USP34: variants seen among roughly 807,000 people sequenced by gnomAD.
USP34 encodes ubiquitin specific peptidase 34.
USP34 carries 70 observed loss-of-function variants against 460.3 expected under a neutral mutation model. The ratio of observed to expected loss-of-function variants is 0.15; its 90% CI spans 0.13 to 0.19. The LOEUF (loss-of-function observed/expected upper bound fraction) is 0.19. Ranked by LOEUF, USP34 falls within the 10% of genes least tolerant of loss-of-function variation. The pLI, the probability that USP34 is intolerant of heterozygous loss-of-function variation, is 1.00. For synonymous variants in USP34, 1,647 were observed against 1,405.3 expected, an observed-to-expected ratio of 1.17 and a Z score of -3.85; for missense variants, 3,985 against 4,236.2, an observed-to-expected ratio of 0.94 and a Z score of 1.65.
intron 48 of USP34, among the ~76,000 whole-genome samples, chr2:61,254,019 G>C (rs997286890): frequency 6.6e-6 from 1 of 152,214 alleles, no homozygotes; most frequent in African/African-American, 2.4e-5. Flanking sequence ...ACAGGCATGT[G>C]CCACCGTGCC....
At chr2:61,339,285 CAAG>C in intron 18 of USP34, 63 bp downstream of exon 18, 2 of 1,505,288 alleles carry the variant, frequency 1.3e-6, no homozygotes, top group Non-Finnish European at 1.8e-6. Flanking sequence ...ACCTAGTCAA[CAAG>C]AATGTCCCCC....
Position 61,229,513 on chromosome 2 carries a change from C to G in USP34, c.7199+35G>C, listed in dbSNP as rs1041677927. ...ACAAAAACACCACACACACACAACA[C>G]AGACACACAAACTTATTCAAAAAGT... is the stretch of plus-strand genomic sequence containing the variant. On this transcript the variant is annotated intron_variant, in intron 59 of 79. Transcript: ENST00000398571. 5 of 1,235,460 alleles carry G rather than the reference C, an allele frequency of 4.0e-6. 1 individual carries two copies. The Admixed American group carries it at 7.9e-5, about 20-fold the overall frequency. 76.5% of individuals were successfully genotyped at this position (1,235,460 alleles called of 1,614,324 possible).
intron 3 of USP34, among the ~76,000 whole-genome samples, chr2:61,400,630 G>A (rs1473662301): frequency 6.6e-6 from 1 of 152,074 alleles, no homozygotes; most frequent in African/African-American, 2.4e-5. Flanking sequence ...CAGGAAGATT[G>A]CCCAAAGCCA....
At chr2:61,204,142 C>A (rs953098314) in intron 74 of USP34, 114 bp downstream of exon 74, 2 of 1,389,106 alleles carry the variant, frequency 1.4e-6, no homozygotes, top group African/African-American at 2.9e-5. Flanking sequence ...ATCTAATCTT[C>A]TTAGGATCCA....
chr2:61,247,883 AAAG>A (rs1429092502), intron 49 of USP34, among the ~76,000 whole-genome samples: 3 of 152,084 alleles, frequency 2.0e-5, no homozygotes, highest in East Asian at 1.9e-4. Flanking sequence ...CACCCTTCCT[AAAG>A]AAGGATAAAC....
chr2:61,193,026 A>AAC, intron 75 of USP34, 46 bp from the exon 76 acceptor site: 5 of 1,458,628 alleles, frequency 3.4e-6, no homozygotes, highest in Non-Finnish European at 4.8e-6. Context: ...TATAAATTAT[A>AAC]CTAGTGAGAT....
chr2:61,378,574 C>A, intron 7 of USP34, 150 bp from the exon 8 acceptor site: 1 of 509,070 alleles, frequency 2.0e-6, no homozygotes, highest in Non-Finnish European at 3.5e-6. Context: ...CAGAGACACA[C>A]GCTTCCCAAT....
At chr2:61,299,230 C>T (rs560639572) in intron 29 of USP34, among the ~76,000 whole-genome samples, 1 of 152,246 alleles carries the variant, frequency 6.6e-6, no homozygotes, top group South Asian at 2.1e-4. Context: ...GGGAAGAAGT[C>T]ACTTAACAAT....
At chr2:61,441,192 T>C (rs1023512303) in intron 1 of USP34, among the ~76,000 whole-genome samples, 18 of 146,952 alleles carry the variant, frequency 1.2e-4, no homozygotes, top group Non-Finnish European at 2.5e-4. Flanking sequence ...CAGGCTAGAG[T>C]GTACTTGCGA....
chr2:61,249,310 T>C (rs1688508910), intron 48 of USP34, among the ~76,000 whole-genome samples: 1 of 152,182 alleles, frequency 6.6e-6, no homozygotes, highest in South Asian at 2.1e-4. Context: ...ACTGCGAAGG[T>C]AACCAAAAGG....
At chr2:61,434,027 C>A (rs1476183640) in intron 1 of USP34, among the ~76,000 whole-genome samples, 1 of 152,196 alleles carries the variant, frequency 6.6e-6, no homozygotes, top group African/African-American at 2.4e-5. Context: ...CCATCCAGGA[C>A]AAACCTGCCC....
At chr2:61,413,200 C>G (rs1694094322) in intron 2 of USP34, among the ~76,000 whole-genome samples, 1 of 151,774 alleles carries the variant, frequency 6.6e-6, no homozygotes, top group African/African-American at 2.4e-5. Context: ...TTGAGACCAT[C>G]CTGGCCAACA....
intron 5 of USP34, among the ~76,000 whole-genome samples, chr2:61,387,729 A>G (rs913052008): frequency 1.3e-5 from 2 of 148,584 alleles, no homozygotes; most frequent in Non-Finnish European, 3.0e-5. Context: ...ACGTATACAC[A>G]CATGTAAAAA....
intron 10 of USP34, among the ~76,000 whole-genome samples, chr2:61,364,903 C>A (rs1012636172): frequency 2.6e-5 from 4 of 151,952 alleles, no homozygotes; most frequent in African/African-American, 9.7e-5. Context: ...GTACTCCAGC[C>A]TGGGCAACAG....
chr2:61,373,222 T>TAC (rs1307207272), intron 8 of USP34, among the ~76,000 whole-genome samples: 2 of 151,906 alleles, frequency 1.3e-5, no homozygotes, highest in Non-Finnish European at 2.9e-5. Flanking sequence ...TATATATATA[T>TAC]ACTATAAAAA....
rs762251784 is a variant in USP34, at chr2:61,350,627, G to A, written c.1318C>T (p.Pro440Ser). Residue 440 changes from proline (P) to serine (S), a missense_variant, in exon 11 of 80, where the codon CCA becomes TCA. Physicochemically the swap from Pro to Ser is moderately conservative, Grantham distance 74. Coordinates refer to ENST00000398571, the MANE Select transcript of USP34 (RefSeq NM_014709.4). ...PSLIKNLDPVPLRHLLNLVSA... is the reference protein window; with the variant it reads ...PSLIKNLDPVSLRHLLNLVSA... ...ACCAGATTAAGTAGATGTCTAAGTG[G>A]TACGGGATCCAAATTCTTGATGAGT... 5 of 1,613,714 alleles carry A rather than the reference G, an allele frequency of 3.1e-6. No individual in the cohort carries two copies. Among genetic ancestry groups the A allele is most frequent in the South Asian group, 1.1e-5 (1 of 91,058 alleles).
In USP34 at chr2:61,257,017, A is replaced by G. The variant is rs781181322; in HGVS notation, c.6048+35T>C. On this transcript the variant is annotated intron_variant, in intron 46 of 79. Coordinates refer to ENST00000398571, the MANE Select transcript of USP34 (RefSeq NM_014709.4). ...ATAATATAAATGAAAATATATTAAG[A>G]TCTCCAAAAAGTAAAAACCAGGTAT... 7 of 1,452,230 alleles carry G rather than the reference A, an allele frequency of 4.8e-6. No individual in the cohort carries two copies. In the East Asian group the frequency reaches 1.5e-4, roughly 30 times the overall value. The allele number at this position is 1,452,230 out of a possible 1,614,324, so 90.0% of individuals were successfully genotyped here. A position where few individuals can be genotyped will look rare whatever the true frequency, so the allele number is the denominator to read the frequency against.
intron 67 of USP34, among the ~76,000 whole-genome samples, chr2:61,215,297 C>A (rs1182025765): frequency 6.6e-6 from 1 of 152,006 alleles, no homozygotes; most frequent in Non-Finnish European, 1.5e-5. Context: ...AAGGAAAGAA[C>A]TGGGTGTTAA....
chr2:61,334,298 A>G lies in USP34; in HGVS notation c.2745-327T>C, dbSNP rs966549106. On this transcript the variant is annotated intron_variant, in intron 18 of 79. Transcript: ENST00000398571. Reference sequence around the variant, plus strand: ...ATTACCATTTTCTCCTAAATTCTCAATATGATTTGCATTCAAATTGAGAAT... The same window carrying G: ...ATTACCATTTTCTCCTAAATTCTCAGTATGATTTGCATTCAAATTGAGAAT... Among the ~76,000 whole-genome samples, 9 of 152,158 alleles carry G rather than the reference A, an allele frequency of 5.9e-5. No individual in the cohort carries two copies. The East Asian group carries it at 1.5e-3, about 26-fold the overall frequency.
Sources: gnomAD v4.1 joint callset for allele counts (sites outside exome capture counted in the v4.1 genomes callset) on GRCh38, gnomAD v4.1.1 for gene constraint, MANE v1.5 for transcripts, NCBI Gene and HGNC (gene_info 2026-07-23, HGNC 2026-07-21) for gene names.